Variants in JRK observed in about 807,000 individuals in gnomAD.
JRK encodes the protein jerky protein homolog.
For missense variants in JRK, 720 were observed against 509.2 expected, an observed-to-expected ratio of 1.41 and a Z score of -3.98; for synonymous variants, 303 against 218.1, an observed-to-expected ratio of 1.39 and a Z score of -3.43.
At position 142,662,387 on chromosome 8, in the gene JRK, C is replaced by T. The variant is rs1373257306; in HGVS notation, c.*1965G>A. The T allele has an allele frequency of 3.0e-6, 3 of 985,298 alleles. No homozygotes were observed. The highest frequency in any genetic ancestry group is 1.7e-5 in the African/African-American group (1 of 57,198). The allele number at this position is 985,298 out of a possible 1,614,324, so 61.0% of individuals were successfully genotyped here. On this transcript the variant is annotated 3_prime_UTR_variant, in exon 2 of 2. Transcript: ENST00000612905. The stretch of plus-strand genomic sequence containing the variant: ...GACATGTTCTAACCTCCTGTGTTGC[C>T]TCAAGCAGCTGCAATCCAGCAGTCT...
rs1846810467 is a variant in JRK, at chr8:142,658,494, C to G, written c.*5858G>C. 1 of 184,622 alleles carries G rather than the reference C, an allele frequency of 5.4e-6. No individual in the cohort carries two copies. The highest frequency in any genetic ancestry group is 2.4e-5 in the African/African-American group (1 of 42,466). The allele number at this position is 184,622 out of a possible 1,614,324, so 11.4% of individuals were successfully genotyped here. ...CCTTGGCCTTCCAGTGCTGGGATTACAGGCGTGAGCCACTGCACCCAGCTT... is the reference window on the plus strand; with the variant it reads ...CCTTGGCCTTCCAGTGCTGGGATTAGAGGCGTGAGCCACTGCACCCAGCTT... On this transcript the variant is annotated 3_prime_UTR_variant, in exon 2 of 2. Transcript: ENST00000612905.
chr8:142,651,777 C>T, the JRK span, among the ~76,000 whole-genome samples: 4 of 152,126 alleles, frequency 2.6e-5, no homozygotes, highest in South Asian at 8.3e-4. Flanking sequence ...AAATTAAGAC[C>T]AGCTGGCTGT....
chr8:142,660,069 G>A lies in JRK; in HGVS notation c.*4283C>T. 2 of 985,820 alleles carry A rather than the reference G, an allele frequency of 2.0e-6. No individual in the cohort carries two copies. Among genetic ancestry groups the A allele is most frequent in the Non-Finnish European group, 2.4e-6 (2 of 830,208 alleles). The allele number at this position is 985,820 out of a possible 1,614,324, so 61.1% of individuals were successfully genotyped here. On this transcript the variant is annotated 3_prime_UTR_variant, in exon 2 of 2. Transcript: ENST00000612905. The stretch of plus-strand genomic sequence containing the variant: ...GGTGGCTGCCATGGCTGCAGCTCCT[G>A]GCCCTGCGGACAGCCAGGCCTGGGG...
intron 1 of JRK, among the ~76,000 whole-genome samples, chr8:142,668,615 G>T (rs1847206834): frequency 6.6e-6 from 1 of 151,816 alleles, no homozygotes; most frequent in Non-Finnish European, 1.5e-5. Context: ...GCAGAGAAAA[G>T]CTTCCTGGAG....
chr8:142,665,672 G>C lies in JRK; in HGVS notation c.387C>G (p.Cys129Trp). 1 of 725,832 alleles carries C rather than the reference G, an allele frequency of 1.4e-6. No homozygotes were observed. The highest frequency in any genetic ancestry group is 2.6e-6 in the Non-Finnish European group (1 of 389,376). 45.0% of individuals were successfully genotyped at this position (725,832 alleles called of 1,614,324 possible). A position where few individuals can be genotyped will look rare whatever the true frequency, so the allele number is the denominator to read the frequency against. The change falls in exon 2 of 2, where the codon TGC becomes TGG. Residue 129 changes from cysteine to tryptophan, a missense_variant. Transcript: ENST00000612905. ...FYEQMQLTEP[C>W]VFSGGWLWRF... is the part of the protein sequence containing the mutation. ...GCCAAAGCCACCCTCCGGAGAACAC[G>C]CAGGGCTCAGTGAGCTGCATCTGCT...
At chr8:142,652,063 T>C in the JRK span, among the ~76,000 whole-genome samples, 9 of 152,026 alleles carry the variant, frequency 5.9e-5, no homozygotes, top group African/African-American at 2.2e-4. Context: ...CAACCAAATT[T>C]TGGGAGATCA....
chr8:142,647,919 C>T, the JRK span, among the ~76,000 whole-genome samples: 2 of 152,186 alleles, frequency 1.3e-5, no homozygotes, highest in Non-Finnish European at 2.9e-5. Flanking sequence ...GATAGTAATA[C>T]GGACAATAAA....
chr8:142,647,307 TGAAGG>T, the JRK span, among the ~76,000 whole-genome samples: 1 of 151,778 alleles, frequency 6.6e-6, no homozygotes, highest in African/African-American at 2.4e-5. Flanking sequence ...TAAGAAAAAA[TGAAGG>T]GGAGGCAGCG....
downstream of JRK, among the ~76,000 whole-genome samples, chr8:142,652,826 G>A (rs587619894): frequency 5.3e-5 from 8 of 152,360 alleles, no homozygotes; most frequent in South Asian, 1.7e-3. Context: ...GCAGCTGCAT[G>A]CTGCACGGTT....
At position 142,664,062 on chromosome 8, in the gene JRK, C is replaced by T; in HGVS notation, c.*290G>A. The T allele has an allele frequency of 8.3e-7, 1 of 1,210,430 alleles. No individual in the cohort carries two copies. Among genetic ancestry groups the T allele is most frequent in the South Asian group, 3.7e-5 (1 of 26,798 alleles). The allele number at this position is 1,210,430 out of a possible 1,614,324, so 75.0% of individuals were successfully genotyped here. ...AGATCGGCTCAGCCTGGCCCCCATT[C>T]CAGCCAGGGTGCGGCTCTGGCTTGT... On this transcript the variant is annotated 3_prime_UTR_variant, in exon 2 of 2. Coordinates refer to ENST00000612905, the MANE Select transcript of JRK (RefSeq NM_003724.4).
chr8:142,662,936 G>T lies in JRK; in HGVS notation c.*1416C>A. The T allele has an allele frequency of 1.2e-6, 1 of 836,408 alleles. No individual in the cohort carries two copies. Among genetic ancestry groups the T allele is most frequent in the Non-Finnish European group, 1.4e-6 (1 of 694,220 alleles). 51.8% of individuals were successfully genotyped at this position (836,408 alleles called of 1,614,324 possible). ...GCACTTTAGAAGGATGAGGAAGGAG[G>T]ATCGCTTGAGGCCAAGAGTTCAAGA... is the stretch of plus-strand genomic sequence containing the variant. On this transcript the variant is annotated 3_prime_UTR_variant, in exon 2 of 2. Coordinates refer to ENST00000612905, the MANE Select transcript of JRK (RefSeq NM_003724.4).
chr8:142,668,192 G>A (rs1554636559), intron 1 of JRK, among the ~76,000 whole-genome samples: 3 of 152,250 alleles, frequency 2.0e-5, no homozygotes, highest in Non-Finnish European at 2.9e-5. Flanking sequence ...TCCATGCAGA[G>A]CGTGTGGCCA....
chr8:142,658,866 T>TAGAG lies in JRK; in HGVS notation c.*5482_*5485dup, dbSNP rs1554634104. 1 of 1,613,200 alleles carries TAGAG rather than the reference T, an allele frequency of 6.2e-7. No individual in the cohort carries two copies. The highest frequency in any genetic ancestry group is 2.2e-5 in the East Asian group (1 of 44,868). ...GAAGTTCTCCAACATTATGTCTCTG[T>TAGAG]AGAGGCCTCCAGGCAGCACTTAGGA... On this transcript the variant is annotated 3_prime_UTR_variant, in exon 2 of 2. Coordinates refer to ENST00000612905, the MANE Select transcript of JRK (RefSeq NM_003724.4).
chr8:142,669,199 T>TGTGCGC (rs1357904924), intron 1 of JRK, among the ~76,000 whole-genome samples: 10 of 61,528 alleles, frequency 1.6e-4, no homozygotes, highest in South Asian at 7.8e-4. Flanking sequence ...TGTGTGTGTG[T>TGTGCGC]GCGTGTGTGT....
Position 142,664,231 on chromosome 8 carries a change from GAA to G in JRK, c.*119_*120del. ...CACACCCGTGGGCGACCCACTCCTG[GAA>G]GGGCTCTTGAGTGTCTGCACATGCC... On this transcript the variant is annotated 3_prime_UTR_variant, in exon 2 of 2. Transcript: ENST00000612905. 1 of 1,418,580 alleles carries G rather than the reference GAA, an allele frequency of 7.0e-7. No individual in the cohort carries two copies. Among genetic ancestry groups the G allele is most frequent in the Non-Finnish European group, 9.2e-7 (1 of 1,083,294 alleles). The allele number at this position is 1,418,580 out of a possible 1,614,324, so 87.9% of individuals were successfully genotyped here. A position where few individuals can be genotyped will look rare whatever the true frequency, so the allele number is the denominator to read the frequency against.
At chr8:142,667,833 G>A (rs991128917) in intron 1 of JRK, among the ~76,000 whole-genome samples, 2 of 152,080 alleles carry the variant, frequency 1.3e-5, no homozygotes, top group South Asian at 2.1e-4. Context: ...TCCCTTCTAG[G>A]TGGACAATTT....
chr8:142,665,981 A>G lies in JRK; in HGVS notation c.78T>C (p.Ile26=), dbSNP rs1554636007. Residue 26 remains isoleucine (I), a synonymous_variant, in exon 2 of 2, where the codon ATT becomes ATC. Coordinates refer to ENST00000612905, the MANE Select transcript of JRK (RefSeq NM_003724.4). ...KRVVLTLKEK[I]DICTRLEKGE... is the part of the protein sequence containing the mutation. ...CCTTCTCCAGGCGCGTGCAGATGTC[A>G]ATCTTCTCCTTCAGTGTCAGCACCA... The G allele has an allele frequency of 5.8e-6, 7 of 1,206,558 alleles. No homozygotes were observed. The highest frequency in any genetic ancestry group is 2.3e-5 in the East Asian group (1 of 42,994). 74.7% of individuals were successfully genotyped at this position (1,206,558 alleles called of 1,614,324 possible). A position where few individuals can be genotyped will look rare whatever the true frequency, so the allele number is the denominator to read the frequency against.
intron 1 of JRK, among the ~76,000 whole-genome samples, chr8:142,666,911 T>C (rs1847145044): frequency 6.6e-6 from 1 of 151,762 alleles, no homozygotes; most frequent in South Asian, 2.1e-4. Flanking sequence ...AGCCTAAGCT[T>C]CTTGCTGTAA....
At chr8:142,648,211 G>T in the JRK span, among the ~76,000 whole-genome samples, 1 of 152,222 alleles carries the variant, frequency 6.6e-6, no homozygotes, top group African/African-American at 2.4e-5. Flanking sequence ...CAATGTGATA[G>T]AAAAGAAAAT....
Sources: allele counts gnomAD v4.1 joint callset (sites outside exome capture counted in the v4.1 genomes callset), GRCh38; gene constraint gnomAD v4.1.1; transcripts MANE v1.5; gene names NCBI Gene and HGNC (gene_info 2026-07-23, HGNC 2026-07-21).